Variants in RMDN2 observed in about 807,000 individuals in gnomAD.
The protein encoded by RMDN2 is regulator of microtubule dynamics protein 2.
Under a neutral mutation model 52.8 loss-of-function variants are expected in RMDN2, and 61 were observed. The ratio of observed to expected loss-of-function variants is 1.16; its 90% CI spans 0.94 to 1.43. RMDN2 has a LOEUF of 1.43. RMDN2 is among the 40% of genes most tolerant of loss of function. The pLI, the probability that RMDN2 is intolerant of heterozygous loss-of-function variation, is 0.00. For synonymous variants in RMDN2, 180 were observed against 153.1 expected (o/e 1.18, Z -1.30); for missense variants, 592 against 475.3 (o/e 1.25, Z -2.28).
chr2:38,057,818 T>C (rs1198534602), intron 10 of RMDN2, among the ~76,000 whole-genome samples: 2 of 151,270 alleles, frequency 1.3e-5, no homozygotes, highest in Non-Finnish European at 2.9e-5. Flanking sequence ...GATCCAGCCA[T>C]GTAAGAAGTG....
intron 2 of RMDN2, chr2:37,951,923 A>G (rs1170807787): frequency 1.2e-6 from 2 of 1,613,512 alleles, no homozygotes; most frequent in Non-Finnish European, 1.7e-6. Context: ...ATGATATTCA[A>G]CAAAGGGGCC....
intron 10 of RMDN2, among the ~76,000 whole-genome samples, chr2:38,016,429 A>G (rs1343445769): frequency 6.6e-6 from 1 of 152,248 alleles, no homozygotes; most frequent in Non-Finnish European, 1.5e-5. Flanking sequence ...TATTCATACC[A>G]AAGAACTCTT....
At chr2:38,057,552 A>T (rs1681894901) in intron 10 of RMDN2, among the ~76,000 whole-genome samples, 1 of 152,206 alleles carries the variant, frequency 6.6e-6, no homozygotes, top group Non-Finnish European at 1.5e-5. Context: ...TCTTACCAAG[A>T]TGCTGGTAGC....
chr2:37,925,080 G>A (rs1383022433), upstream of RMDN2, among the ~76,000 whole-genome samples: 1 of 152,210 alleles, frequency 6.6e-6, no homozygotes, highest in East Asian at 1.9e-4. Flanking sequence ...GAGCCCAGGC[G>A]GGGGAAAAGG....
At position 38,017,023 on chromosome 2, in the gene RMDN2, T is replaced by A. The variant is rs566092163; in HGVS notation, c.1180-163T>A. ...AAAAAAAATAATAAAACACTGTCAA[T>A]GTCCTGAATTAGGGAAAGTATTTGG... On this transcript the variant is annotated intron_variant, in intron 10 of 10. Coordinates refer to ENST00000354545, the MANE Select transcript of RMDN2 (RefSeq NM_001170791.3). Among the ~76,000 whole-genome samples the A allele has an allele frequency of 2.0e-5, 3 of 152,258 alleles. No homozygotes were observed. In the South Asian group the frequency reaches 6.2e-4, roughly 32 times the overall value.
chr2:37,951,500 T>C, intron 2 of RMDN2: 2 of 1,612,136 alleles, frequency 1.2e-6, no homozygotes, highest in Non-Finnish European at 1.7e-6. Context: ...GGCAACAAAG[T>C]AGAGCTAACT....
At chr2:38,066,042 G>T (rs1278215179) in intron 10 of RMDN2, among the ~76,000 whole-genome samples, 1 of 152,170 alleles carries the variant, frequency 6.6e-6, no homozygotes, top group East Asian at 1.9e-4. Flanking sequence ...ACTGGGAAGG[G>T]ACAAACTAGG....
intron 10 of RMDN2, among the ~76,000 whole-genome samples, chr2:38,040,690 T>G (rs1680897585): frequency 6.6e-6 from 1 of 152,204 alleles, no homozygotes; most frequent in African/African-American, 2.4e-5. Context: ...CAGTATTGTA[T>G]TGTCTGTTCT....
At chr2:38,003,918 T>C (rs983510401) in intron 8 of RMDN2, 73 bp from the exon 9 acceptor site, 1 of 1,139,084 alleles carries the variant, frequency 8.8e-7, no homozygotes, top group Non-Finnish European at 1.3e-6. Flanking sequence ...TATTTAAATA[T>C]ATTCTCTTCA....
rs770517879 is a variant in RMDN2 at position 37,997,439 on chromosome 2, G to GA, written c.976dup (p.Met326AsnfsTer23). 4.3e-6 allele frequency: 7 copies of GA among 1,613,264 alleles called. No homozygotes were observed. In the African/African-American group the frequency reaches 5.3e-5, roughly 12 times the overall value. ...AGGTCTCAAAACTGAGCTGGATTGA[G>GA]AAAAAAATGGCTGCTACTCTGTTTG... On this transcript the variant is annotated frameshift_variant, in exon 8 of 11. Transcript: ENST00000354545. LOFTEE classifies it high-confidence loss of function.
At chr2:38,063,100 C>T (rs1192874446) in intron 10 of RMDN2, among the ~76,000 whole-genome samples, 1 of 152,104 alleles carries the variant, frequency 6.6e-6, no homozygotes, top group Non-Finnish European at 1.5e-5. Flanking sequence ...GTCTTTATAG[C>T]AGCATGATTT....
chr2:37,951,187 C>G, intron 2 of RMDN2: 1 of 1,510,186 alleles, frequency 6.6e-7, no homozygotes, highest in Non-Finnish European at 8.8e-7. Flanking sequence ...GGTCTCCACT[C>G]TGCTCCCTAT....
At chr2:38,037,681 T>C (rs1421428363) in intron 10 of RMDN2, among the ~76,000 whole-genome samples, 1 of 152,216 alleles carries the variant, frequency 6.6e-6, no homozygotes, top group Non-Finnish European at 1.5e-5. Flanking sequence ...ATTCCCATTT[T>C]TAGTGTGAAA....
intron 10 of RMDN2, among the ~76,000 whole-genome samples, chr2:38,049,669 C>T (rs757655350): frequency 2.6e-5 from 4 of 152,098 alleles, no homozygotes; most frequent in Non-Finnish European, 4.4e-5. Context: ...AACTCATGGG[C>T]TCAAGCAATC....
chr2:38,034,672 G>A (rs17021873), intron 10 of RMDN2, among the ~76,000 whole-genome samples: 4,342 of 150,884 alleles, frequency 0.029, 211 homozygotes, highest in African/African-American at 0.1. Context: ...CTTATTTTAT[G>A]CTTGAATCGG....
intron 2 of RMDN2, among the ~76,000 whole-genome samples, chr2:37,940,626 G>A (rs761137372): frequency 2.0e-5 from 3 of 151,612 alleles, no homozygotes; most frequent in Admixed American, 6.6e-5. Flanking sequence ...GCTTTATTTC[G>A]TTAAGTTGAT....
At chr2:38,013,532 A>G (rs1230441875) in intron 10 of RMDN2, among the ~76,000 whole-genome samples, 2 of 152,214 alleles carry the variant, frequency 1.3e-5, no homozygotes, top group Non-Finnish European at 2.9e-5. Flanking sequence ...CTGTTGATTA[A>G]AGTTTTGAGC....
chr2:37,972,238 G>C (rs1197361109), intron 2 of RMDN2, among the ~76,000 whole-genome samples: 1 of 152,006 alleles, frequency 6.6e-6, no homozygotes, highest in Non-Finnish European at 1.5e-5. Context: ...ATCAAAATTT[G>C]TAGAATTTTT....
chr2:37,932,971 T>C (rs1331090867), intron 2 of RMDN2, among the ~76,000 whole-genome samples: 2 of 147,890 alleles, frequency 1.4e-5, no homozygotes, highest in East Asian at 2.1e-4. Context: ...CGCTCCTCAC[T>C]TCCCAGACGG....
Sources: allele counts gnomAD v4.1 joint callset (sites outside exome capture counted in the v4.1 genomes callset), GRCh38; gene constraint gnomAD v4.1.1; transcripts MANE v1.5; gene names NCBI Gene and HGNC (gene_info 2026-07-23, HGNC 2026-07-21).